AP4S1: variants seen among roughly 807,000 people sequenced by gnomAD.
AP4S1 encodes AP-4 complex subunit sigma-1.
In AP4S1, 23 loss-of-function variants were observed where a neutral mutation model predicts 19.8. The observed-to-expected ratio is 1.16, with a 90% CI of 0.84 to 1.65. The LOEUF (loss-of-function observed/expected upper bound fraction) is 1.65. AP4S1 is among the 40% of genes most tolerant of loss of function. The pLI, the probability that AP4S1 is intolerant of heterozygous loss-of-function variation, is 0.00. For missense variants in AP4S1, 166 were observed against 172.8 expected (o/e 0.96, Z 0.22); for synonymous variants, 46 against 54.1 (o/e 0.85, Z 0.66).
chr14:31,042,792 A>G (rs1371245090), intron 1 of AP4S1, among the ~76,000 whole-genome samples: 3 of 152,192 alleles, frequency 2.0e-5, no homozygotes, highest in Non-Finnish European at 4.4e-5. Context: ...TGTATACTTT[A>G]AAGTTGCAAA....
chr14:31,084,988 A>C (rs1639768402), intron 5 of AP4S1: 6 of 1,559,368 alleles, frequency 3.8e-6, no homozygotes, highest in African/African-American at 1.4e-5. Context: ...GAAAACCTCC[A>C]CGGCCTTTTC....
intron 1 of AP4S1, among the ~76,000 whole-genome samples, chr14:31,049,511 A>ACACACACACACACACAC (rs1555331121): frequency 6.9e-6 from 1 of 144,928 alleles, no homozygotes; most frequent in Non-Finnish European, 1.5e-5. Context: ...ACACACACAT[A>ACACACACACACACACAC]AATTACCCTC....
chr14:31,026,142 G>A (rs1427558541), intron 1 of AP4S1: 2 of 1,490,138 alleles, frequency 1.3e-6, no homozygotes, highest in Non-Finnish European at 8.9e-7. Context: ...GGGAGGGGCC[G>A]CCATCCCCGG....
intron 1 of AP4S1, among the ~76,000 whole-genome samples, chr14:31,044,641 C>T (rs995301470): frequency 2.0e-5 from 3 of 151,770 alleles, no homozygotes; most frequent in Non-Finnish European, 4.4e-5. Flanking sequence ...GAACCACGAA[C>T]CTGGACCTGC....
At chr14:31,084,445 A>AT (rs1295651277) in intron 5 of AP4S1, among the ~76,000 whole-genome samples, 1 of 152,250 alleles carries the variant, frequency 6.6e-6, no homozygotes, top group Non-Finnish European at 1.5e-5. Flanking sequence ...GACAGATTGG[A>AT]TTTTAAAAAG....
intron 1 of AP4S1, among the ~76,000 whole-genome samples, chr14:31,035,670 A>AC (rs1436865014): frequency 2.8e-5 from 4 of 143,720 alleles, no homozygotes; most frequent in South Asian, 2.2e-4. Flanking sequence ...CGTTTCTATG[A>AC]CCCCCCTCAT....
chr14:31,049,085 CA>C (rs528216397), intron 1 of AP4S1, among the ~76,000 whole-genome samples: 1 of 148,750 alleles, frequency 6.7e-6, no homozygotes, highest in Non-Finnish European at 1.5e-5. Flanking sequence ...CCCATCTCTA[CA>C]AAAAAAAACA....
chr14:31,053,568 C>A (rs1885927856), intron 1 of AP4S1, among the ~76,000 whole-genome samples: 1 of 141,326 alleles, frequency 7.1e-6, no homozygotes. Flanking sequence ...TTCTAAAACA[C>A]ATCTTTTTAG....
intron 1 of AP4S1, among the ~76,000 whole-genome samples, chr14:31,038,515 G>C (rs967997763): frequency 2.6e-5 from 4 of 152,142 alleles, no homozygotes; most frequent in African/African-American, 9.7e-5. Context: ...TTAAACGAGC[G>C]AATGGGGAGT....
rs1219849070 is a variant in AP4S1 at position 31,084,756 on chromosome 14, G to C, written c.306+4172G>C. ...AAGACTTCAAATTTTATGAATTAAG[G>C]TGTTTTTTTTAGGAACCAATTGATG... On this transcript the variant is annotated intron_variant, in intron 5 of 5. Transcript: ENST00000542754. 1 of 1,614,048 alleles carries C rather than the reference G, an allele frequency of 6.2e-7. No individual in the cohort carries two copies. Among genetic ancestry groups the C allele is most frequent in the South Asian group, 1.1e-5 (1 of 91,072 alleles).
intron 1 of AP4S1, among the ~76,000 whole-genome samples, chr14:31,053,004 G>A (rs963333949): frequency 4.3e-5 from 6 of 139,532 alleles, no homozygotes; most frequent in South Asian, 2.2e-4. Context: ...GCAATGGCAC[G>A]GTCTCAGCTC....
At chr14:31,090,974 G>A (rs1888062132) in intron 5 of AP4S1, among the ~76,000 whole-genome samples, 1 of 152,222 alleles carries the variant, frequency 6.6e-6, no homozygotes, top group South Asian at 2.1e-4. Flanking sequence ...ACCTCACTGA[G>A]CAACTCATGT....
At chr14:31,029,283 A>G (rs1480244765) in intron 1 of AP4S1, among the ~76,000 whole-genome samples, 2 of 152,180 alleles carry the variant, frequency 1.3e-5, no homozygotes, top group African/African-American at 4.8e-5. Flanking sequence ...CAAAGGTATG[A>G]TTCTGTCATT....
chr14:31,040,420 G>A (rs1885044459), intron 1 of AP4S1, among the ~76,000 whole-genome samples: 1 of 152,094 alleles, frequency 6.6e-6, no homozygotes. Context: ...TTAACACAAA[G>A]CTATAGGAAA....
chr14:31,061,230 G>C (rs903471507), intron 1 of AP4S1, among the ~76,000 whole-genome samples: 1 of 151,872 alleles, frequency 6.6e-6, no homozygotes, highest in African/African-American at 2.4e-5. Flanking sequence ...TGTTGGCCAG[G>C]CTGGTCTCAA....
chr14:31,060,029 A>T (rs894784913), intron 1 of AP4S1, among the ~76,000 whole-genome samples: 1 of 147,002 alleles, frequency 6.8e-6, no homozygotes, highest in Non-Finnish European at 1.5e-5. Context: ...ATATATATTT[A>T]TGTATATATG....
chr14:31,061,551 C>T (rs1036029096), intron 1 of AP4S1, among the ~76,000 whole-genome samples: 1 of 152,164 alleles, frequency 6.6e-6, no homozygotes, highest in East Asian at 1.9e-4. Context: ...TAGTCTCCCC[C>T]GCTTTCAGTC....
intron 3 of AP4S1, among the ~76,000 whole-genome samples, chr14:31,070,945 G>A (rs1375603350): frequency 6.6e-6 from 1 of 152,032 alleles, no homozygotes; most frequent in South Asian, 2.1e-4. Context: ...CCAGCTACTC[G>A]GGAGGCTGAG....
chr14:31,047,810 C>T (rs567135934), intron 1 of AP4S1, among the ~76,000 whole-genome samples: 40 of 152,166 alleles, frequency 2.6e-4, no homozygotes, highest in African/African-American at 6.7e-4. Flanking sequence ...ACAAGCCTCC[C>T]GAGTAGTTGG....
Sources: gnomAD v4.1 joint callset for allele counts (sites outside exome capture counted in the v4.1 genomes callset) on GRCh38, gnomAD v4.1.1 for gene constraint, MANE v1.5 for transcripts, NCBI Gene and HGNC (gene_info 2026-07-23, HGNC 2026-07-21) for gene names.